Variants in MYADML2 observed in about 807,000 individuals in gnomAD.
MYADML2 encodes myeloid-associated differentiation marker-like protein 2.
Under a neutral mutation model 16.0 loss-of-function variants are expected in MYADML2, and 17 were observed. The observed-to-expected ratio is 1.06, with a 90% CI of 0.73 to 1.60. The LOEUF is 1.60. MYADML2 is among the 40% of genes most tolerant of loss of function. The pLI is 0.00. For missense variants in MYADML2, 422 were observed against 437.7 expected, an observed-to-expected ratio of 0.96 and a Z score of 0.32; for synonymous variants, 210 against 208.1, an observed-to-expected ratio of 1.01 and a Z score of -0.08.
intron 1 of MYADML2, among the ~76,000 whole-genome samples, chr17:81,945,538 C>CAA (rs796429824): frequency 7.3e-6 from 1 of 136,480 alleles, no homozygotes. Flanking sequence ...GACTCTGTCT[C>CAA]AAAAAAAAAA....
rs774458011 is a variant in MYADML2 at position 81,941,614 on chromosome 17, C to A, written c.128G>T (p.Arg43Leu). ...GCTTFSLVAH[R>L]GGFAGVQGTF... Reference sequence around the variant, plus strand: ...GCCCTGGACGCCCGCAAAGCCACCCCGGTGGGCCACCAGGCTGAAGGTAGT... The same window carrying A: ...GCCCTGGACGCCCGCAAAGCCACCCAGGTGGGCCACCAGGCTGAAGGTAGT... The change falls in exon 3 of 3, where the codon CGG becomes CTG. Residue 43 changes from arginine (R) to leucine (L), a missense_variant. Transcript: ENST00000409745. 6.5e-7 allele frequency: 1 copy of A among 1,549,006 alleles called. No individual in the cohort carries two copies.
At chr17:81,944,237 T>G (rs763976958) in intron 1 of MYADML2, among the ~76,000 whole-genome samples, 21 of 151,712 alleles carry the variant, frequency 1.4e-4, no homozygotes, top group Non-Finnish European at 2.6e-4. Flanking sequence ...AAACCCCGTC[T>G]CTACTAAAAA....
chr17:81,941,280 G>A lies in MYADML2; in HGVS notation c.462C>T (p.Gly154=), dbSNP rs1252316773. The A allele has an allele frequency of 2.6e-6, 4 of 1,550,008 alleles. No homozygotes were observed. The Admixed American group carries it at 7.8e-5, about 30-fold the overall frequency. Residue 154 remains glycine, a synonymous_variant, in exon 3 of 3, where the codon GGC becomes GGT. Transcript: ENST00000409745. The part of the protein sequence containing the change: ...VEVALTRARP[G]QVSSYMATVS... ...CCGTGGCCATATAGCTGCTCACCTG[G>A]CCGGGCCGGGCCCGCGTCAGGGCCA...
chr17:81,944,002 C>G (rs980135684), intron 1 of MYADML2, among the ~76,000 whole-genome samples: 1 of 151,782 alleles, frequency 6.6e-6, no homozygotes, highest in Non-Finnish European at 1.5e-5. Flanking sequence ...GTCCCAGCTA[C>G]TCAGGAGGCT....
intron 1 of MYADML2, among the ~76,000 whole-genome samples, chr17:81,944,863 T>G (rs1297504621): frequency 6.6e-6 from 1 of 152,150 alleles, no homozygotes; most frequent in Non-Finnish European, 1.5e-5. Context: ...GGTTTCCAGG[T>G]GGCGGAATGC....
chr17:81,940,671 G>T lies in MYADML2; in HGVS notation c.*147C>A, dbSNP rs1029531280. 32 of 867,902 alleles carry T rather than the reference G, an allele frequency of 3.7e-5. No individual in the cohort carries two copies. Among genetic ancestry groups the T allele is most frequent in the Non-Finnish European group, 5.3e-5 (31 of 581,148 alleles). 53.8% of individuals were successfully genotyped at this position (867,902 alleles called of 1,614,324 possible). ...CTCTGAGCCCAGTCTGGAAGTCGGGGAGTGACCTCTCCCGTTGTACTTCAT... is the reference window on the plus strand; with the variant it reads ...CTCTGAGCCCAGTCTGGAAGTCGGGTAGTGACCTCTCCCGTTGTACTTCAT... On this transcript the variant is annotated 3_prime_UTR_variant, in exon 3 of 3. Coordinates refer to ENST00000409745, the MANE Select transcript of MYADML2 (RefSeq NM_001145113.3).
Position 81,940,856 on chromosome 17 carries a change from C to T in MYADML2, c.886G>A (p.Ala296Thr), listed in dbSNP as rs1436817941. 22 of 1,526,408 alleles carry T rather than the reference C, an allele frequency of 1.4e-5. No homozygotes were observed. The African/African-American group carries it at 1.8e-4, about 12-fold the overall frequency. 94.6% of individuals were successfully genotyped at this position (1,526,408 alleles called of 1,614,324 possible). Residue 296 changes from alanine to threonine, a missense_variant, in exon 3 of 3, where the codon GCC (alanine) becomes ACC (threonine). Physicochemically the swap from Ala to Thr is moderately conservative, Grantham distance 58 (BLOSUM62 0). Transcript: ENST00000409745. ...VNLLLYVVDL[A>T]YSQRIRFVPS... Reference sequence around the variant, plus strand: ...ACGAAGCGAATCCTCTGGGAGTAGGCGAGGTCAACGACGTACAGGAGCAGG... The same window carrying T: ...ACGAAGCGAATCCTCTGGGAGTAGGTGAGGTCAACGACGTACAGGAGCAGG...
chr17:81,945,740 A>AT (rs1228527073), intron 1 of MYADML2, among the ~76,000 whole-genome samples: 3 of 150,444 alleles, frequency 2.0e-5, no homozygotes, highest in Non-Finnish European at 4.4e-5. Flanking sequence ...GGTGGTGCAC[A>AT]TCCGTAATCC....
At chr17:81,944,171 G>A (rs139107972) in intron 1 of MYADML2, among the ~76,000 whole-genome samples, 4,132 of 152,084 alleles carry the variant, frequency 0.027, 87 homozygotes, top group Non-Finnish European at 0.042. Context: ...TTGGGAGGCC[G>A]AGGAAGACGG....
At chr17:81,943,400 CT>C (rs1490329857) in intron 1 of MYADML2, among the ~76,000 whole-genome samples, 1 of 145,644 alleles carries the variant, frequency 6.9e-6, no homozygotes, top group Admixed American at 7.0e-5. Flanking sequence ...ATTTTTTTTT[CT>C]TTTTTTCTTT....
intron 1 of MYADML2, among the ~76,000 whole-genome samples, chr17:81,945,635 G>A (rs1369547492): frequency 4.6e-5 from 7 of 151,406 alleles, no homozygotes; most frequent in Non-Finnish European, 1.5e-5. Flanking sequence ...CCAGGAGACC[G>A]AGGTTGCCGT....
intron 1 of MYADML2, among the ~76,000 whole-genome samples, chr17:81,943,889 A>G (rs934421147): frequency 1.9e-4 from 29 of 149,834 alleles, no homozygotes; most frequent in African/African-American, 7.1e-4. Context: ...AGGTGGATGG[A>G]TCACGAGGTC....
rs1168893789 is a variant in MYADML2 at position 81,941,573 on chromosome 17, C to T, written c.169G>A (p.Ala57Thr). ...AGVQGTFCMA[A>T]WGFCFAVSAL... is the part of the protein sequence containing the mutation. ...GAGACGGCGAAGCAGAAGCCCCAGG[C>T]GGCCATGCAGAAGGTGCCCTGGACG... The change falls in exon 3 of 3, where the codon GCC becomes ACC. Residue 57 changes from alanine to threonine, a missense_variant. Physicochemically the swap from Ala to Thr is moderately conservative, Grantham distance 58. Transcript: ENST00000409745. The T allele has an allele frequency of 9.7e-6, 15 of 1,548,308 alleles. No individual in the cohort carries two copies. The highest frequency in any genetic ancestry group is 1.7e-4 in the Middle Eastern group (1 of 5,980).
chr17:81,940,022 G>A lies in MYADML2; in HGVS notation c.*796C>T, dbSNP rs1183097475. On this transcript the variant is annotated 3_prime_UTR_variant, in exon 3 of 3. Coordinates refer to ENST00000409745, the MANE Select transcript of MYADML2 (RefSeq NM_001145113.3). Reference sequence around the variant, plus strand: ...GTGAGTGTCCAGGTGGGGCTCCGTGGCTATGGCGGAACCAGGTCCTCCCCG... The same window carrying A: ...GTGAGTGTCCAGGTGGGGCTCCGTGACTATGGCGGAACCAGGTCCTCCCCG... 6.6e-6 allele frequency: 1 copy of A among 152,302 alleles called. No individual in the cohort carries two copies. The highest frequency in any genetic ancestry group is 1.5e-5 in the Non-Finnish European group (1 of 68,124). The allele number at this position is 152,302 out of a possible 1,614,324, so 9.4% of individuals were successfully genotyped here.
Position 81,942,714 on chromosome 17 carries a change from C to T in MYADML2, c.-180-341G>A, listed in dbSNP as rs112556000. Among the ~76,000 whole-genome samples the T allele has an allele frequency of 1.2e-3, 183 of 152,242 alleles. No individual in the cohort carries two copies. Among genetic ancestry groups the T allele is most frequent in the African/African-American group, 4.4e-3 (181 of 41,540 alleles). ...TACAGGCGTGAGCCACCATGCCTGG[C>T]TAATTTTTTTGTATTTTTAATAGAG... On this transcript the variant is annotated intron_variant, in intron 1 of 2. Coordinates refer to ENST00000409745, the MANE Select transcript of MYADML2 (RefSeq NM_001145113.3). This position sits in a 1 kb window ranked among gnomAD's most constrained non-coding sequence, Gnocchi z 4.4.
In MYADML2 at chr17:81,940,854, G is replaced by A. The variant is rs909971682; in HGVS notation, c.888C>T (p.Ala296=). 7.2e-6 allele frequency: 11 copies of A among 1,526,082 alleles called. No homozygotes were observed. The African/African-American group carries it at 9.6e-5, about 13-fold the overall frequency. 94.5% of individuals were successfully genotyped at this position (1,526,082 alleles called of 1,614,324 possible). The change falls in exon 3 of 3, where the codon GCC becomes GCT. Residue 296 remains alanine, a synonymous_variant. Transcript: ENST00000409745. The part of the protein sequence containing the change: ...VNLLLYVVDL[A]YSQRIRFVPS... ...GCACGAAGCGAATCCTCTGGGAGTA[G>A]GCGAGGTCAACGACGTACAGGAGCA...
chr17:81,946,466 G>A (rs1203515483), intron 1 of MYADML2, among the ~76,000 whole-genome samples: 2 of 151,622 alleles, frequency 1.3e-5, no homozygotes, highest in Non-Finnish European at 2.9e-5. Context: ...GGCCAACGTG[G>A]TGAAACCCCG....
rs2143918452 is a variant in MYADML2, at chr17:81,940,948, G to C, written c.794C>G (p.Pro265Arg). The C allele has an allele frequency of 6.4e-7, 1 of 1,550,576 alleles. No homozygotes were observed. Among genetic ancestry groups the C allele is most frequent in the Non-Finnish European group, 8.7e-7 (1 of 1,146,918 alleles). The change falls in exon 3 of 3, where the codon CCC (proline) becomes CGC (arginine). Residue 265 changes from proline to arginine, a missense_variant. Pro to Arg is a moderately radical substitution (Grantham distance 103). Transcript: ENST00000409745. ...GGGACAGCTGCCCCGAGCACAGTTG[G>C]GGGGCCGTTTGGGCTCACCGTACTT... is the stretch of plus-strand genomic sequence containing the variant. ...DPKYGEPKRP[P>R]NCARGSCPWD... is the part of the protein sequence containing the mutation.
Position 81,941,781 on chromosome 17 carries a change from C to T in MYADML2, c.-40G>A. 6.8e-7 allele frequency: 1 copy of T among 1,461,224 alleles called. No individual in the cohort carries two copies. The highest frequency in any genetic ancestry group is 9.1e-7 in the Non-Finnish European group (1 of 1,102,550). The allele number at this position is 1,461,224 out of a possible 1,614,324, so 90.5% of individuals were successfully genotyped here. On this transcript the variant is annotated 5_prime_UTR_variant, in exon 3 of 3. Coordinates refer to ENST00000409745, the MANE Select transcript of MYADML2 (RefSeq NM_001145113.3). ...TTCCAGCTCACACAGTCCCCCAAGG[C>T]CCTGGGGTCCCTGCTGGGCCAAGGC... is the stretch of plus-strand genomic sequence containing the variant.
Sources: gnomAD v4.1 joint callset for allele counts (sites outside exome capture counted in the v4.1 genomes callset) on GRCh38, gnomAD v4.1.1 for gene constraint, Gnocchi (gnomAD v3.1) non-coding constraint, MANE v1.5 for transcripts, NCBI Gene and HGNC (gene_info 2026-07-23, HGNC 2026-07-21) for gene names.